Variants in SYTL5 observed in about 807,000 individuals in gnomAD.
SYTL5 encodes the protein synaptotagmin like 5, also known as synaptotagmin-like protein 5.
Under a neutral mutation model 55.9 loss-of-function variants are expected in SYTL5, and 34 were observed. The observed-to-expected ratio is 0.61, with a 90% CI of 0.46 to 0.81. SYTL5 has a LOEUF of 0.81. SYTL5 is among the 30% of genes least tolerant of loss of function. The probability of loss-of-function intolerance (pLI) is 0.00; values close to 1 mark genes in which losing one functional copy is unlikely to be tolerated. For synonymous variants in SYTL5, 221 were observed against 188.7 expected (o/e 1.17, Z -1.40); for missense variants, 637 against 546.7 (o/e 1.17, Z -1.65).
At chrX:37,979,607 C>G in the SYTL5 span, among the ~76,000 whole-genome samples, 15 of 102,574 alleles carry the variant, frequency 1.5e-4, no homozygotes, top group Admixed American at 1.2e-3. Flanking sequence ...TCTCCACTTT[C>G]TCTCTCATTC....
chrX:37,965,092 C>T, the SYTL5 span, among the ~76,000 whole-genome samples: 21 of 110,139 alleles, frequency 1.9e-4, no homozygotes, highest in East Asian at 3.1e-3. Context: ...ACCTTTATTT[C>T]CTTCTTTCTT....
At chrX:37,940,819 G>C in the SYTL5 span, among the ~76,000 whole-genome samples, 1 of 110,514 alleles carries the variant, frequency 9.0e-6, no homozygotes, top group Non-Finnish European at 1.9e-5. Flanking sequence ...ATTTCCAGGA[G>C]ACTTATTTGG....
At chrX:38,080,473 T>C (rs922500097) in intron 6 of SYTL5, among the ~76,000 whole-genome samples, 3 of 111,189 alleles carry the variant, frequency 2.7e-5, no homozygotes, top group African/African-American at 9.8e-5. Flanking sequence ...TTATTCCTAA[T>C]TGCTCTCCAG....
chrX:38,043,645 T>TTATG (rs1211913534), intron 2 of SYTL5, among the ~76,000 whole-genome samples: 1 of 76,353 alleles, frequency 1.3e-5, no homozygotes, highest in Non-Finnish European at 2.3e-5. Context: ...CCTGTAACTT[T>TTATG]TATGTATGTA....
intron 3 of SYTL5, among the ~76,000 whole-genome samples, chrX:38,071,619 C>T (rs774178336): frequency 2.1e-4 from 24 of 111,640 alleles, no homozygotes; most frequent in African/African-American, 7.5e-4. Flanking sequence ...CATTCCAAAC[C>T]TTTACTTGAT....
chrX:37,996,007 G>A, the SYTL5 span, among the ~76,000 whole-genome samples: 2 of 111,643 alleles, frequency 1.8e-5, no homozygotes, highest in Non-Finnish European at 3.8e-5. Context: ...AACACTAACG[G>A]TCACTCTGAC....
chrX:37,974,832 G>A, the SYTL5 span, among the ~76,000 whole-genome samples: 4 of 112,293 alleles, frequency 3.6e-5, no homozygotes, highest in African/African-American at 1.3e-4. Context: ...GAAGGTGAAG[G>A]GCAGAAGGGA....
chrX:37,976,201 GTTC>G, the SYTL5 span, among the ~76,000 whole-genome samples: 21 of 112,773 alleles, frequency 1.9e-4, no homozygotes, highest in African/African-American at 5.8e-4. Context: ...CAAATGGCAT[GTTC>G]TTAGATAAAG....
intron 1 of SYTL5, among the ~76,000 whole-genome samples, chrX:38,027,443 G>T (rs753573223): frequency 9.1e-6 from 1 of 109,892 alleles, no homozygotes; most frequent in Non-Finnish European, 1.9e-5. Flanking sequence ...CAGACATCAC[G>T]AATTGGTTAA....
intron 1 of SYTL5, among the ~76,000 whole-genome samples, chrX:38,021,681 A>T (rs1934556928): frequency 8.9e-6 from 1 of 112,300 alleles, no homozygotes. Context: ...AGTGACCATC[A>T]GTTCTGTTTA....
chrX:38,103,940 A>C (rs936441775), intron 10 of SYTL5, among the ~76,000 whole-genome samples: 6 of 112,117 alleles, frequency 5.4e-5, no homozygotes, highest in Non-Finnish European at 1.1e-4. Flanking sequence ...AAAGAAATTG[A>C]AAGAAAAATA....
rs184548711 is a variant in SYTL5, at chrX:38,111,652, C to G, written c.1596+1170C>G. 5.6e-4 allele frequency among the ~76,000 whole-genome samples: 63 copies of G among 112,332 alleles called. 1 individual carries two copies. Among genetic ancestry groups the G allele is most frequent in the Admixed American group, 5.3e-3 (56 of 10,620 alleles). On this transcript the variant is annotated intron_variant, in intron 13 of 16. Coordinates refer to ENST00000297875, the MANE Select transcript of SYTL5 (RefSeq NM_138780.3). ...TCCCTGACTAGCTCCAAGCATGCCT[C>G]TCTAATGACTACAGTGGCTGCAAGC...
At chrX:38,029,755 G>C (rs1934894811) in intron 1 of SYTL5, among the ~76,000 whole-genome samples, 1 of 87,498 alleles carries the variant, frequency 1.1e-5, no homozygotes, top group African/African-American at 8.7e-5. Context: ...GATTACTTAA[G>C]TCGTGTACTA....
rs201554069 is a variant in SYTL5, at chrX:38,089,613, C to T, written c.831+26C>T. 1,939 of 1,180,062 alleles carry T rather than the reference C, an allele frequency of 1.6e-3. 3 individuals carry two copies. Among genetic ancestry groups the T allele is most frequent in the Non-Finnish European group, 2.0e-3 (1,781 of 877,646 alleles). On this transcript the variant is annotated intron_variant, in intron 7 of 16. Coordinates refer to ENST00000297875, the MANE Select transcript of SYTL5 (RefSeq NM_138780.3). ...GTAAGTACACAAACCTGATGAACAC[C>T]GTATTAGTTCATTCTCACACTGCTA... is the stretch of plus-strand genomic sequence containing the variant.
chrX:38,088,254 C>CATTCTTT (rs750207053), intron 6 of SYTL5, among the ~76,000 whole-genome samples: 1 of 111,878 alleles, frequency 8.9e-6, no homozygotes, highest in African/African-American at 3.2e-5. Flanking sequence ...CACATTTAAA[C>CATTCTTT]ATTCTTTTAA....
the SYTL5 span, among the ~76,000 whole-genome samples, chrX:37,980,287 A>G: frequency 8.9e-6 from 1 of 111,828 alleles, no homozygotes; most frequent in Non-Finnish European, 1.9e-5. Context: ...TAGAGGAAAT[A>G]CTCTGGATTC....
chrX:37,957,045 T>C, the SYTL5 span, among the ~76,000 whole-genome samples: 3 of 112,126 alleles, frequency 2.7e-5, no homozygotes, highest in African/African-American at 6.5e-5. Context: ...TTAGTGATGC[T>C]GAACATCTTT....
chrX:38,004,428 T>A (rs1933939086), upstream of SYTL5, among the ~76,000 whole-genome samples: 1 of 111,877 alleles, frequency 8.9e-6, no homozygotes, highest in Non-Finnish European at 1.9e-5. Context: ...CCTGAGTATA[T>A]ACCCAAAAGA....
chrX:38,110,403 T>C lies in SYTL5; in HGVS notation c.1517T>C (p.Phe506Ser), dbSNP rs751763199. 3 of 1,209,341 alleles carry C rather than the reference T, an allele frequency of 2.5e-6. No individual in the cohort carries two copies. In the Admixed American group the frequency reaches 6.5e-5, roughly 26 times the overall value. ...TATGATCGATTTGGACGTAATAGCT[T>C]CCTCGGGGAAGTAGAGATTCCTTTT... ...WHYDRFGRNSFLGEVEIPFDS... is the reference protein window; with the variant it reads ...WHYDRFGRNSSLGEVEIPFDS... The change falls in exon 13 of 17, where the codon TTC becomes TCC. Residue 506 changes from phenylalanine to serine, a missense_variant. Transcript: ENST00000297875.
Sources: allele counts gnomAD v4.1 joint callset (sites outside exome capture counted in the v4.1 genomes callset), GRCh38; gene constraint gnomAD v4.1.1; transcripts MANE v1.5; gene names NCBI Gene and HGNC (gene_info 2026-07-23, HGNC 2026-07-21).